Variants in SCEL observed in about 807,000 individuals in gnomAD.
SCEL encodes sciellin.
A neutral mutation model predicts 117.6 loss-of-function variants in SCEL; 113 were observed. That is an observed-to-expected ratio of 0.96 (90% CI 0.83 to 1.12). The LOEUF is 1.12. Among genes scored for constraint, SCEL ranks in the 50% most tolerant of loss-of-function variants. The pLI is 0.00. For missense variants in SCEL, 785 were observed against 810.8 expected (o/e 0.97, Z 0.39); for synonymous variants, 270 against 256.2 (o/e 1.05, Z -0.51).
At chr13:77,585,888 C>CAGG (rs2086538136) in intron 9 of SCEL, among the ~76,000 whole-genome samples, 2 of 152,138 alleles carry the variant, frequency 1.3e-5, no homozygotes, top group Admixed American at 6.5e-5. Flanking sequence ...TCCAGAGGAC[C>CAGG]CTGCTTCCAC....
rs1434898884 is a variant in SCEL, at chr13:77,642,404, G to A, written c.1948-302G>A. Among the ~76,000 whole-genome samples the A allele has an allele frequency of 2.6e-5, 4 of 152,250 alleles. No homozygotes were observed. In the East Asian group the frequency reaches 7.7e-4, roughly 29 times the overall value. ...CTTTTTCTCAAACCCAGTCAGATAA[G>A]CAGTTTATTTCTCTCCATGAGGTTG... On this transcript the variant is annotated intron_variant, in intron 31 of 32. Coordinates refer to ENST00000349847, the MANE Select transcript of SCEL (RefSeq NM_144777.3).
rs1827492911 is a variant in SCEL at position 77,567,121 on chromosome 13, T to G, written c.291-559T>G. On this transcript the variant is annotated intron_variant, in intron 5 of 32. Coordinates refer to ENST00000349847, the MANE Select transcript of SCEL (RefSeq NM_144777.3). ...TGAAAATGAAAATAGAGTTAAATGC[T>G]CAATGAGTCAGAAAGACAAACAGGC... Among the ~76,000 whole-genome samples, 4 of 152,102 alleles carry G rather than the reference T, an allele frequency of 2.6e-5. 1 individual carries two copies. Among genetic ancestry groups the G allele is most frequent in the Admixed American group, 2.6e-4 (4 of 15,274 alleles).
chr13:77,540,052 A>G (rs959019757), intron 1 of SCEL, among the ~76,000 whole-genome samples: 1 of 152,224 alleles, frequency 6.6e-6, no homozygotes, highest in African/African-American at 2.4e-5. Context: ...CACATTTAAG[A>G]ATATGTAAGA....
intron 10 of SCEL, 93 bp from the exon 11 acceptor site, chr13:77,591,302 C>CTTT: frequency 2.4e-6 from 2 of 820,496 alleles, no homozygotes; most frequent in South Asian, 3.1e-5. Flanking sequence ...AAACACTGAT[C>CTTT]TTTTTGTACA....
At chr13:77,628,085 T>TTA (rs2154405559) in intron 28 of SCEL, 76 bp downstream of exon 28, 1 of 333,174 alleles carries the variant, frequency 3.0e-6, no homozygotes, top group Non-Finnish European at 5.3e-6. Context: ...CCTTAGAAGA[T>TTA]TATATATATA....
At chr13:77,605,242 G>A (rs2088061902) in intron 19 of SCEL, among the ~76,000 whole-genome samples, 1 of 152,148 alleles carries the variant, frequency 6.6e-6, no homozygotes, top group African/African-American at 2.4e-5. Flanking sequence ...TGTCATGGAT[G>A]CCTGCAGGCC....
chr13:77,587,967 C>T (rs907497161), intron 9 of SCEL, among the ~76,000 whole-genome samples: 10 of 152,168 alleles, frequency 6.6e-5, no homozygotes, highest in African/African-American at 2.2e-4. Flanking sequence ...TTACTTCCTG[C>T]AGGTCTTGGT....
At chr13:77,637,309 CAT>C (rs766658495) in intron 30 of SCEL, 115 bp downstream of exon 30, 15,688 of 90,264 alleles carry the variant, frequency 0.17, 1,152 homozygotes, top group African/African-American at 0.26. Context: ...AATATATATA[CAT>C]ATATATAAAT....
chr13:77,636,423 G>A (rs2090280639), intron 29 of SCEL, among the ~76,000 whole-genome samples: 1 of 152,166 alleles, frequency 6.6e-6, no homozygotes, highest in Non-Finnish European at 1.5e-5. Flanking sequence ...TCCCAAGTGA[G>A]AGCCATGTGG....
chr13:77,571,455 G>A (rs1020362468), intron 8 of SCEL, among the ~76,000 whole-genome samples: 4 of 151,470 alleles, frequency 2.6e-5, no homozygotes, highest in African/African-American at 4.8e-5. Flanking sequence ...TTCAGAGGCC[G>A]AGGCAGGTGG....
intron 9 of SCEL, among the ~76,000 whole-genome samples, chr13:77,583,995 T>C (rs1054771250): frequency 1.3e-5 from 2 of 152,240 alleles, no homozygotes; most frequent in Non-Finnish European, 2.9e-5. Flanking sequence ...CCACGTTTTT[T>C]ATTCCTGAAA....
chr13:77,569,125 A>G (rs2085452405), intron 7 of SCEL, among the ~76,000 whole-genome samples: 1 of 152,246 alleles, frequency 6.6e-6, no homozygotes, highest in African/African-American at 2.4e-5. Flanking sequence ...TCCGACAGTT[A>G]ATGTCATTTT....
chr13:77,594,348 G>A (rs916867122), intron 12 of SCEL, among the ~76,000 whole-genome samples: 12 of 152,176 alleles, frequency 7.9e-5, no homozygotes, highest in African/African-American at 2.4e-4. Flanking sequence ...TTTATCCTAC[G>A]TTCATATCAA....
intron 3 of SCEL, among the ~76,000 whole-genome samples, chr13:77,557,261 A>G (rs2084716325): frequency 6.6e-6 from 1 of 152,222 alleles, no homozygotes; most frequent in African/African-American, 2.4e-5. Context: ...TGTTTTGAGC[A>G]TTGCTTCTAC....
At chr13:77,563,558 C>T (rs1004972800) in intron 4 of SCEL, among the ~76,000 whole-genome samples, 3 of 152,098 alleles carry the variant, frequency 2.0e-5, no homozygotes, top group Admixed American at 1.3e-4. Context: ...GTATGATTTA[C>T]GTATCCTTAC....
chr13:77,541,752 T>C (rs1197320811), intron 1 of SCEL, among the ~76,000 whole-genome samples: 1 of 152,250 alleles, frequency 6.6e-6, no homozygotes, highest in Non-Finnish European at 1.5e-5. Context: ...CCACATTTTA[T>C]ATATGCTTTC....
At chr13:77,536,851 A>G (rs1407878443) in intron 1 of SCEL, among the ~76,000 whole-genome samples, 3 of 152,234 alleles carry the variant, frequency 2.0e-5, no homozygotes, top group Non-Finnish European at 2.9e-5. Flanking sequence ...AGAGGGGGTT[A>G]GACACACCAG....
At chr13:77,622,851 G>C (rs1423715278) in intron 27 of SCEL, among the ~76,000 whole-genome samples, 1 of 152,114 alleles carries the variant, frequency 6.6e-6, no homozygotes, top group East Asian at 1.9e-4. Context: ...GACAGAGCTA[G>C]ACCCCAGTCT....
intron 1 of SCEL, among the ~76,000 whole-genome samples, chr13:77,552,522 G>T (rs1489851162): frequency 1.3e-5 from 2 of 151,560 alleles, no homozygotes; most frequent in Non-Finnish European, 3.0e-5. Context: ...CATGTCCTTC[G>T]CCCACTTTTT....
Sources: gnomAD v4.1 joint callset for allele counts (sites outside exome capture counted in the v4.1 genomes callset) on GRCh38, gnomAD v4.1.1 for gene constraint, MANE v1.5 for transcripts, NCBI Gene and HGNC (gene_info 2026-07-23, HGNC 2026-07-21) for gene names.